Variants in PKP4 observed in about 807,000 individuals in gnomAD.
PKP4 encodes the protein plakophilin 4, also known as plakophilin-4.
PKP4 carries 90 observed loss-of-function variants against 145.1 expected under a neutral mutation model. That is an observed-to-expected ratio of 0.62 (90% confidence interval 0.52 to 0.74). PKP4 has a LOEUF of 0.74. Ranked by LOEUF, PKP4 falls within the 30% of genes least tolerant of loss-of-function variation. PKP4 has a pLI of 0.00. For synonymous variants in PKP4, 563 were observed against 577.2 expected (o/e 0.98, Z 0.35); for missense variants, 1,340 against 1,482.7 (o/e 0.90, Z 1.58).
intron 1 of PKP4, among the ~76,000 whole-genome samples, chr2:158,500,313 T>G (rs1192431876): frequency 6.6e-6 from 1 of 152,208 alleles, no homozygotes; most frequent in African/African-American, 2.4e-5. Flanking sequence ...ACAACCTTGT[T>G]GACTGTACCA....
chr2:158,594,092 G>A (rs1357707770), intron 3 of PKP4, among the ~76,000 whole-genome samples: 1 of 152,108 alleles, frequency 6.6e-6, no homozygotes, highest in African/African-American at 2.4e-5. Context: ...CCTTCCATGA[G>A]GTATCAGGTC....
chr2:158,635,827 C>G (rs1297779714), intron 9 of PKP4, among the ~76,000 whole-genome samples: 3 of 152,112 alleles, frequency 2.0e-5, no homozygotes, highest in African/African-American at 7.2e-5. Flanking sequence ...CTAGCTAAAA[C>G]TGGAATTCAG....
chr2:158,603,513 G>A (rs969978912), intron 4 of PKP4, among the ~76,000 whole-genome samples: 3 of 152,096 alleles, frequency 2.0e-5, no homozygotes, highest in Non-Finnish European at 4.4e-5. Flanking sequence ...TCCACATGTA[G>A]AATATCTAGT....
chr2:158,530,055 A>G (rs1249000192), intron 1 of PKP4, among the ~76,000 whole-genome samples: 1 of 152,182 alleles, frequency 6.6e-6, no homozygotes, highest in Non-Finnish European at 1.5e-5. Flanking sequence ...CCACATTTCT[A>G]TGTTAATGAC....
At chr2:158,498,181 G>A (rs1696022526) in intron 1 of PKP4, among the ~76,000 whole-genome samples, 1 of 151,874 alleles carries the variant, frequency 6.6e-6, no homozygotes, top group Non-Finnish European at 1.5e-5. Flanking sequence ...TTTTTGAGAT[G>A]GGGTCTTACT....
At chr2:158,657,455 C>A (rs563593378) in intron 11 of PKP4, among the ~76,000 whole-genome samples, 2 of 152,206 alleles carry the variant, frequency 1.3e-5, no homozygotes, top group East Asian at 3.9e-4. Context: ...TCACCTATTT[C>A]CAAAAAGGAA....
chr2:158,472,589 G>A (rs1370328070), intron 1 of PKP4, among the ~76,000 whole-genome samples: 2 of 140,138 alleles, frequency 1.4e-5, no homozygotes, highest in Non-Finnish European at 3.0e-5. Context: ...CTCCAGCCTG[G>A]GACACAGAGC....
chr2:158,500,568 G>T (rs1696401205), intron 1 of PKP4, among the ~76,000 whole-genome samples: 1 of 152,180 alleles, frequency 6.6e-6, no homozygotes, highest in South Asian at 2.1e-4. Flanking sequence ...CCTGCAGATG[G>T]CAATGGCCTC....
chr2:158,525,742 C>G (rs1156280457), intron 1 of PKP4, among the ~76,000 whole-genome samples: 2 of 145,002 alleles, frequency 1.4e-5, no homozygotes, highest in African/African-American at 2.6e-5. Flanking sequence ...GCTAGCAAGA[C>G]TAATAAAGAA....
intron 1 of PKP4, among the ~76,000 whole-genome samples, chr2:158,489,428 A>G (rs531223694): frequency 6.6e-6 from 1 of 152,342 alleles, no homozygotes; most frequent in African/African-American, 2.4e-5. Flanking sequence ...CCTTGCTAGA[A>G]GAAAATGATT....
chr2:158,494,472 T>G (rs1171371689), intron 1 of PKP4, among the ~76,000 whole-genome samples: 1 of 152,208 alleles, frequency 6.6e-6, no homozygotes, highest in Non-Finnish European at 1.5e-5. Context: ...TCTGAAGTGA[T>G]GATTAATACC....
chr2:158,494,599 T>C (rs1455366426), intron 1 of PKP4, among the ~76,000 whole-genome samples: 4 of 152,228 alleles, frequency 2.6e-5, no homozygotes, highest in South Asian at 2.1e-4. Context: ...GTTTTTAATA[T>C]GAAATTTTCT....
At chr2:158,665,188 C>CGGGCTGGGCT (rs1046864146) in intron 15 of PKP4, among the ~76,000 whole-genome samples, 4 of 151,978 alleles carry the variant, frequency 2.6e-5, no homozygotes, top group South Asian at 2.1e-4. Context: ...AGAAGGGAGA[C>CGGGCTGGGCT]GGGCTGGGCT....
Position 158,520,121 on chromosome 2 carries a change from C to G in PKP4, c.-5-13059C>G, listed in dbSNP as rs149741097. Among the ~76,000 whole-genome samples, 21 of 152,186 alleles carry G rather than the reference C, an allele frequency of 1.4e-4. 2 individuals are homozygous for G. In the East Asian group the frequency reaches 4.1e-3, roughly 29 times the overall value. On this transcript the variant is annotated intron_variant, in intron 1 of 21. Transcript: ENST00000389759. ...ATTCGTGTTTATCAAGATAGAATTT[C>G]CAGTTTTCATTAACCATTTTGCAGT... is the stretch of plus-strand genomic sequence containing the variant.
intron 3 of PKP4, among the ~76,000 whole-genome samples, chr2:158,597,391 A>G (rs1334791439): frequency 6.6e-6 from 1 of 152,262 alleles, no homozygotes; most frequent in African/African-American, 2.4e-5. Context: ...GTTCCTGGTT[A>G]GATGCAGGTA....
At chr2:158,652,813 A>G (rs2055507211) in intron 11 of PKP4, among the ~76,000 whole-genome samples, 1 of 152,184 alleles carries the variant, frequency 6.6e-6, no homozygotes, top group African/African-American at 2.4e-5. Flanking sequence ...GCCACTGGTC[A>G]TGACACTTGC....
intron 4 of PKP4, among the ~76,000 whole-genome samples, chr2:158,617,342 A>G (rs550034438): frequency 4.6e-5 from 7 of 152,220 alleles, no homozygotes; most frequent in Admixed American, 2.6e-4. Context: ...TTTTAAACCA[A>G]CACATGTTCT....
chr2:158,467,761 T>A (rs996316335), intron 1 of PKP4, among the ~76,000 whole-genome samples: 1 of 151,918 alleles, frequency 6.6e-6, no homozygotes, highest in African/African-American at 2.4e-5. Flanking sequence ...GTAGAAGGAT[T>A]GCTTGAGCCC....
intron 1 of PKP4, among the ~76,000 whole-genome samples, chr2:158,500,118 G>T (rs1263888538): frequency 6.6e-6 from 1 of 152,156 alleles, no homozygotes; most frequent in African/African-American, 2.4e-5. Context: ...AATAATCAAG[G>T]CAGGTTAATC....
Sources: allele counts gnomAD v4.1 joint callset (sites outside exome capture counted in the v4.1 genomes callset), GRCh38; gene constraint gnomAD v4.1.1; transcripts MANE v1.5; gene names NCBI Gene and HGNC (gene_info 2026-07-23, HGNC 2026-07-21).